The following XKR6 variants were observed in gnomAD, a reference collection of about 807,000 sequenced individuals.
XKR6 encodes the protein XK related 6.
In XKR6, 22 loss-of-function variants were observed where a neutral mutation model predicts 56.7. The ratio of observed to expected loss-of-function variants is 0.39; its 90% CI spans 0.28 to 0.55. The LOEUF is 0.55. Among genes scored for constraint, XKR6 ranks in the 20% least tolerant of loss-of-function variants. XKR6 has a pLI of 0.66. For missense variants in XKR6, 852 were observed against 889.0 expected, an observed-to-expected ratio of 0.96 and a Z score of 0.53; for synonymous variants, 524 against 387.8, an observed-to-expected ratio of 1.35 and a Z score of -4.13.
chr8:11,147,852 G>T (rs180726017), intron 1 of XKR6, among the ~76,000 whole-genome samples: 51 of 152,180 alleles, frequency 3.4e-4, no homozygotes, highest in African/African-American at 1.1e-3. Flanking sequence ...TCATAGGAAG[G>T]CCTAATTCCC....
At chr8:11,146,100 A>G (rs1800969020) in intron 1 of XKR6, among the ~76,000 whole-genome samples, 1 of 152,202 alleles carries the variant, frequency 6.6e-6, no homozygotes, top group Admixed American at 6.5e-5. Flanking sequence ...ATAGCCTTTC[A>G]ACAAATAGTA....
At chr8:10,959,057 C>A (rs1043491600) in intron 1 of XKR6, among the ~76,000 whole-genome samples, 1 of 152,220 alleles carries the variant, frequency 6.6e-6, no homozygotes, top group Non-Finnish European at 1.5e-5. Context: ...GACGCTGACA[C>A]TCTGAGTTGC....
chr8:11,116,127 A>T (rs1300748405), intron 1 of XKR6, among the ~76,000 whole-genome samples: 1 of 152,166 alleles, frequency 6.6e-6, no homozygotes, highest in Non-Finnish European at 1.5e-5. Context: ...GCTGCATTCA[A>T]ATTTTAAACA....
At chr8:11,178,569 T>TATATATATATATATAG (rs1802793455) in intron 1 of XKR6, among the ~76,000 whole-genome samples, 1 of 142,606 alleles carries the variant, frequency 7.0e-6, no homozygotes, top group Non-Finnish European at 1.5e-5. Flanking sequence ...TATATATATA[T>TATATATATATATATAG]ATATGTATAT....
chr8:11,133,759 T>C (rs1800237004), intron 1 of XKR6, among the ~76,000 whole-genome samples: 1 of 152,088 alleles, frequency 6.6e-6, no homozygotes, highest in South Asian at 2.1e-4. Context: ...AGACCAATGT[T>C]ACTTCCCTAA....
chr8:11,033,777 G>A (rs1799066429), intron 1 of XKR6, among the ~76,000 whole-genome samples: 1 of 152,174 alleles, frequency 6.6e-6, no homozygotes, highest in Non-Finnish European at 1.5e-5. Flanking sequence ...CAGATACCCA[G>A]GTCCACTCGT....
In XKR6 at chr8:11,162,441, T is replaced by C. The variant is rs190208050; in HGVS notation, c.764+38135A>G. ...CCTAGAGTAGAGTAATCGTGATCAA[T>C]TGTGGAAGGAAAAACAAAACAAAAC... is the stretch of plus-strand genomic sequence containing the variant. On this transcript the variant is annotated intron_variant, in intron 1 of 2. Transcript: ENST00000416569. 3.8e-3 allele frequency among the ~76,000 whole-genome samples: 575 copies of C among 152,236 alleles called. 3 individuals carry two copies. Among genetic ancestry groups the C allele is most frequent in the Admixed American group, 0.011 (165 of 15,292 alleles).
chr8:11,052,354 A>G lies in XKR6; in HGVS notation c.765-127524T>C, dbSNP rs577785933. 4.6e-5 allele frequency among the ~76,000 whole-genome samples: 7 copies of G among 152,358 alleles called. No homozygotes were observed. In the East Asian group the frequency reaches 1.2e-3, roughly 25 times the overall value. ...TCCCCCAGCTCTTGTTTCCCAGAGC[A>G]CTTGTCATCTGAAATGAAAATGTCT... On this transcript the variant is annotated intron_variant, in intron 1 of 2. Transcript: ENST00000416569.
At chr8:11,023,509 C>G (rs192791890) in intron 1 of XKR6, among the ~76,000 whole-genome samples, 4 of 152,342 alleles carry the variant, frequency 2.6e-5, no homozygotes, top group African/African-American at 9.6e-5. Flanking sequence ...AGGGATCCTC[C>G]TTCCTCAACT....
At chr8:10,913,245 A>G (rs930886522) in intron 2 of XKR6, among the ~76,000 whole-genome samples, 5 of 151,954 alleles carry the variant, frequency 3.3e-5, no homozygotes, top group African/African-American at 1.2e-4. Flanking sequence ...TGCCTCCACT[A>G]AAATGTAAGC....
intron 1 of XKR6, among the ~76,000 whole-genome samples, chr8:11,040,200 G>A (rs1427603067): frequency 6.6e-6 from 1 of 151,856 alleles, no homozygotes; most frequent in Admixed American, 6.6e-5. Flanking sequence ...GCAGGAACAG[G>A]ACCCTTCCTG....
chr8:11,093,379 T>G (rs1798148385), intron 1 of XKR6, among the ~76,000 whole-genome samples: 2 of 152,046 alleles, frequency 1.3e-5, no homozygotes, highest in Non-Finnish European at 2.9e-5. Context: ...TAGCCCAGCT[T>G]TTATCTCAAG....
At chr8:10,911,562 CTA>C (rs200353525) in intron 2 of XKR6, among the ~76,000 whole-genome samples, 13 of 130,300 alleles carry the variant, frequency 1.0e-4, no homozygotes, top group South Asian at 4.9e-4. Context: ...GAGAGAATAT[CTA>C]TATATATATA....
chr8:11,137,627 C>A (rs751900191), intron 1 of XKR6: 17 of 456,066 alleles, frequency 3.7e-5, no homozygotes, highest in African/African-American at 1.4e-4. Flanking sequence ...ACTCAGGAGA[C>A]AATGAATGGA....
chr8:10,927,556 G>C (rs1329710337), intron 1 of XKR6, among the ~76,000 whole-genome samples: 1 of 152,124 alleles, frequency 6.6e-6, no homozygotes, highest in African/African-American at 2.4e-5. Flanking sequence ...CTGGGTCCCA[G>C]GTCAGTAATG....
chr8:10,999,760 T>A (rs1470124376), intron 1 of XKR6, among the ~76,000 whole-genome samples: 2 of 152,200 alleles, frequency 1.3e-5, no homozygotes, highest in African/African-American at 4.8e-5. Context: ...AAATGAGCCT[T>A]ATTCTGTATG....
At chr8:11,066,993 TG>T (rs1799997448) in intron 1 of XKR6, 1 of 152,412 alleles carries the variant, frequency 6.6e-6, no homozygotes, top group African/African-American at 2.4e-5. Context: ...GAGGTGCATG[TG>T]GAAGCTTCAT....
intron 1 of XKR6, among the ~76,000 whole-genome samples, chr8:11,142,072 A>G (rs187497808): frequency 6.6e-6 from 1 of 152,152 alleles, no homozygotes; most frequent in Non-Finnish European, 1.5e-5. Context: ...GTTGTTCTGA[A>G]CTTGAAGTAA....
chr8:11,060,642 C>T (rs1799809778), intron 1 of XKR6, among the ~76,000 whole-genome samples: 1 of 152,242 alleles, frequency 6.6e-6, no homozygotes, highest in Admixed American at 6.5e-5. Flanking sequence ...CAAAGGAGCT[C>T]GCAGTCTAGA....
Sources: allele counts gnomAD v4.1 joint callset (sites outside exome capture counted in the v4.1 genomes callset), GRCh38; gene constraint gnomAD v4.1.1; transcripts MANE v1.5; gene names NCBI Gene and HGNC (gene_info 2026-07-23, HGNC 2026-07-21).